LDLRAD3: variants seen among roughly 807,000 people sequenced by gnomAD.
The protein encoded by LDLRAD3 is low density lipoprotein receptor class A domain containing 3, also known as low-density lipoprotein receptor class A domain-containing protein 3.
Under a neutral mutation model 29.4 loss-of-function variants are expected in LDLRAD3, and 20 were observed. The observed-to-expected ratio is 0.68, with a 90% CI of 0.48 to 0.99. LDLRAD3 has a LOEUF of 0.99. Among genes scored for constraint, LDLRAD3 ranks in the 50% least tolerant of loss-of-function variants. LDLRAD3 has a pLI of 0.00. For missense variants in LDLRAD3, 420 were observed against 454.3 expected, an observed-to-expected ratio of 0.92 and a Z score of 0.69; for synonymous variants, 157 against 192.7, an observed-to-expected ratio of 0.81 and a Z score of 1.53.
intron 2 of LDLRAD3, among the ~76,000 whole-genome samples, chr11:36,054,341 G>A (rs545150819): frequency 5.2e-4 from 79 of 152,302 alleles, no homozygotes; most frequent in African/African-American, 1.5e-3. Flanking sequence ...TATGACTGCA[G>A]GGGATGTGAG....
At chr11:36,119,201 C>G (rs920915775) in intron 4 of LDLRAD3, among the ~76,000 whole-genome samples, 1 of 152,216 alleles carries the variant, frequency 6.6e-6, no homozygotes, top group African/African-American at 2.4e-5. Context: ...ACTCTTGATT[C>G]TAACCTACAG....
chr11:36,087,063 C>T (rs1425717353), intron 3 of LDLRAD3, among the ~76,000 whole-genome samples: 2 of 151,878 alleles, frequency 1.3e-5, no homozygotes, highest in Non-Finnish European at 2.9e-5. Context: ...TTAATGACCC[C>T]ACAGGGAGGC....
intron 1 of LDLRAD3, among the ~76,000 whole-genome samples, chr11:35,974,168 C>A (rs1851449180): frequency 6.6e-6 from 1 of 152,150 alleles, no homozygotes; most frequent in African/African-American, 2.4e-5. Context: ...TTTGGACTTT[C>A]ACTTAGGAAG....
At chr11:36,060,733 G>A (rs572694565) in intron 2 of LDLRAD3, among the ~76,000 whole-genome samples, 13 of 152,234 alleles carry the variant, frequency 8.5e-5, no homozygotes, top group African/African-American at 3.1e-4. Flanking sequence ...TATTGATCAT[G>A]CTTCCTTTGT....
chr11:36,038,987 T>TA (rs71044544), intron 2 of LDLRAD3, among the ~76,000 whole-genome samples: 29 of 149,064 alleles, frequency 1.9e-4, no homozygotes, highest in South Asian at 4.3e-4. Context: ...TTTTTTTTTT[T>TA]AGACGGAGTC....
At chr11:36,222,323 A>C (rs1046057917) in intron 4 of LDLRAD3, among the ~76,000 whole-genome samples, 1 of 152,078 alleles carries the variant, frequency 6.6e-6, no homozygotes, top group Non-Finnish European at 1.5e-5. Context: ...GACTCAAGCC[A>C]TCCCCCCTAC....
In LDLRAD3 at chr11:36,227,091, G is replaced by A; in HGVS notation, c.461G>A (p.Gly154Asp). ...CCTCTCTTGGGTTTCTCAGAACCCGGCAGTGGGCAGGTGTTTGTGACTTCA... is the reference window on the plus strand; with the variant it reads ...CCTCTCTTGGGTTTCTCAGAACCCGACAGTGGGCAGGTGTTTGTGACTTCA... ...EESCESSQEP[G>D]SGQVFVTSEN... Residue 154 changes from glycine (G) to aspartate (D), a missense_variant, in exon 5 of 6, where the codon GGC becomes GAC. Gly to Asp is a moderately conservative substitution (Grantham distance 94). Coordinates refer to ENST00000315571, the MANE Select transcript of LDLRAD3 (RefSeq NM_174902.4). The A allele has an allele frequency of 6.3e-7, 1 of 1,586,510 alleles. No homozygotes were observed. Among genetic ancestry groups the A allele is most frequent in the East Asian group, 2.3e-5 (1 of 44,202 alleles).
At chr11:35,949,376 G>C (rs892804823) in intron 1 of LDLRAD3, among the ~76,000 whole-genome samples, 29 of 152,176 alleles carry the variant, frequency 1.9e-4, no homozygotes, top group African/African-American at 7.0e-4. Flanking sequence ...GAGGGCTATA[G>C]GAGCACAAGC....
rs1234926012 is a variant in LDLRAD3 at position 35,944,581 on chromosome 11, G to A, written c.46+437G>A. On this transcript the variant is annotated intron_variant, in intron 1 of 5. Transcript: ENST00000315571. The surrounding 1 kb of genome is among the most constrained non-coding windows in gnomAD (Gnocchi z 4.9). ...GCGCGGCTGCGTTAGCCTCCTCTGG[G>A]CCTCTTCCCGAGTCTCTGGCGTGCA... Among the ~76,000 whole-genome samples, 1 of 152,130 alleles carries A rather than the reference G, an allele frequency of 6.6e-6. No homozygotes were observed. Among genetic ancestry groups the A allele is most frequent in the African/African-American group, 2.4e-5 (1 of 41,440 alleles).
chr11:36,147,691 G>T (rs1241473711), intron 4 of LDLRAD3, among the ~76,000 whole-genome samples: 1 of 152,084 alleles, frequency 6.6e-6, no homozygotes, highest in Non-Finnish European at 1.5e-5. Context: ...ATGGGGCTGT[G>T]GTATGATGTA....
At chr11:36,151,880 A>G (rs1854283448) in intron 4 of LDLRAD3, among the ~76,000 whole-genome samples, 1 of 152,198 alleles carries the variant, frequency 6.6e-6, no homozygotes, top group Non-Finnish European at 1.5e-5. Flanking sequence ...CTACAAGGAA[A>G]TGCTAGATCA....
intron 4 of LDLRAD3, among the ~76,000 whole-genome samples, chr11:36,112,630 C>T (rs1853621037): frequency 6.6e-6 from 1 of 152,188 alleles, no homozygotes; most frequent in African/African-American, 2.4e-5. Context: ...AGCAGCAAAT[C>T]AGAATGTCTC....
intron 5 of LDLRAD3, among the ~76,000 whole-genome samples, chr11:36,227,879 T>C (rs1417382946): frequency 6.6e-6 from 1 of 152,232 alleles, no homozygotes; most frequent in Non-Finnish European, 1.5e-5. Flanking sequence ...GTGAGAGGTT[T>C]GGTTAATATC....
chr11:36,123,903 G>A (rs1446969253), intron 4 of LDLRAD3, among the ~76,000 whole-genome samples: 1 of 152,222 alleles, frequency 6.6e-6, no homozygotes, highest in Admixed American at 6.5e-5. Context: ...TATTTACATA[G>A]ACTGTAAAAT....
chr11:36,044,765 G>A (rs1287831219), intron 2 of LDLRAD3, among the ~76,000 whole-genome samples: 1 of 152,240 alleles, frequency 6.6e-6, no homozygotes, highest in South Asian at 2.1e-4. Flanking sequence ...TCTTGAGGTT[G>A]CAGGGAAGGA....
intron 4 of LDLRAD3, among the ~76,000 whole-genome samples, chr11:36,123,301 A>G (rs928618738): frequency 6.6e-6 from 1 of 152,264 alleles, no homozygotes; most frequent in African/African-American, 2.4e-5. Flanking sequence ...GATGTGTGCA[A>G]CACAAGAGTT....
intron 4 of LDLRAD3, among the ~76,000 whole-genome samples, chr11:36,222,100 C>T (rs60008257): frequency 0.067 from 10,207 of 152,154 alleles, 437 homozygotes; most frequent in East Asian, 0.18. Context: ...GACAGGGTCT[C>T]GCTCTGTCAC....
At chr11:36,151,699 C>T (rs571752000) in intron 4 of LDLRAD3, among the ~76,000 whole-genome samples, 1 of 152,128 alleles carries the variant, frequency 6.6e-6, no homozygotes, top group Non-Finnish European at 1.5e-5. Flanking sequence ...GTCAAAATCC[C>T]CAGTCCTGTC....
intron 1 of LDLRAD3, among the ~76,000 whole-genome samples, chr11:36,015,313 C>T (rs1171315371): frequency 6.8e-6 from 1 of 146,432 alleles, no homozygotes; most frequent in Admixed American, 6.8e-5. Flanking sequence ...CATTCCCCCC[C>T]CCCGCCCCCT....
Sources: allele counts gnomAD v4.1 joint callset (sites outside exome capture counted in the v4.1 genomes callset), GRCh38; gene constraint gnomAD v4.1.1; non-coding constraint Gnocchi (gnomAD v3.1); transcripts MANE v1.5; gene names NCBI Gene and HGNC (gene_info 2026-07-23, HGNC 2026-07-21).